The following MOB3B variants were observed in gnomAD, a reference collection of about 807,000 sequenced individuals.
MOB3B encodes MOB kinase activator-like 2B.
In MOB3B, 7 loss-of-function variants were observed where a neutral mutation model predicts 18.7. The ratio of observed to expected loss-of-function variants is 0.37; its 90% CI spans 0.21 to 0.70. MOB3B has a LOEUF of 0.70. Among genes scored for constraint, MOB3B ranks in the 30% least tolerant of loss-of-function variants. The pLI, the probability that MOB3B is intolerant of heterozygous loss-of-function variation, is 0.52. For synonymous variants in MOB3B, 111 were observed against 99.9 expected (o/e 1.11, Z -0.66); for missense variants, 253 against 281.3 (o/e 0.90, Z 0.72).
intron 2 of MOB3B, among the ~76,000 whole-genome samples, chr9:27,442,481 C>T (rs770868323): frequency 1.3e-5 from 2 of 152,206 alleles, no homozygotes; most frequent in Admixed American, 6.5e-5. Context: ...CTCAGCAAAA[C>T]GTGTTTCCCA....
At chr9:27,411,511 G>T (rs1822066404) in intron 2 of MOB3B, among the ~76,000 whole-genome samples, 1 of 152,162 alleles carries the variant, frequency 6.6e-6, no homozygotes, top group Admixed American at 6.5e-5. Flanking sequence ...CCTATTTCTA[G>T]ACCTTTAAAT....
intron 2 of MOB3B, among the ~76,000 whole-genome samples, chr9:27,367,897 C>G (rs947032293): frequency 6.6e-6 from 1 of 152,126 alleles, no homozygotes; most frequent in Admixed American, 6.5e-5. Flanking sequence ...CCTTTGGGAC[C>G]CCTGATGGCA....
At chr9:27,509,204 ACATT>A (rs1188146899) in intron 1 of MOB3B, among the ~76,000 whole-genome samples, 1 of 152,204 alleles carries the variant, frequency 6.6e-6, no homozygotes, top group Non-Finnish European at 1.5e-5. Context: ...ATATACACAT[ACATT>A]AAGAGATACT....
At chr9:27,373,948 A>G (rs1821456483) in intron 2 of MOB3B, among the ~76,000 whole-genome samples, 1 of 152,240 alleles carries the variant, frequency 6.6e-6, no homozygotes, top group Admixed American at 6.5e-5. Flanking sequence ...CTCTTGCAGC[A>G]AGTAGCCTAG....
chr9:27,420,768 T>C (rs1822237668), intron 2 of MOB3B, among the ~76,000 whole-genome samples: 1 of 149,966 alleles, frequency 6.7e-6, no homozygotes, highest in South Asian at 2.1e-4. Context: ...ATAAGAATGA[T>C]ACAACGGACT....
intron 2 of MOB3B, among the ~76,000 whole-genome samples, chr9:27,394,766 T>G (rs1225375039): frequency 7.9e-6 from 1 of 125,796 alleles, no homozygotes; most frequent in Non-Finnish European, 1.8e-5. Context: ...CTTAACTGAC[T>G]TTTTTTTTTC....
chr9:27,474,742 T>C (rs1819526792), intron 1 of MOB3B, among the ~76,000 whole-genome samples: 1 of 152,212 alleles, frequency 6.6e-6, no homozygotes, highest in Non-Finnish European at 1.5e-5. Context: ...GCAAATAGTC[T>C]CATCAAAACA....
chr9:27,388,604 C>A (rs1424967998), intron 2 of MOB3B, among the ~76,000 whole-genome samples: 1 of 152,076 alleles, frequency 6.6e-6, no homozygotes, highest in Non-Finnish European at 1.5e-5. Context: ...GTCTTTTATA[C>A]CTCGCCACCC....
At chr9:27,388,363 C>T (rs1034974787) in intron 2 of MOB3B, among the ~76,000 whole-genome samples, 1 of 152,150 alleles carries the variant, frequency 6.6e-6, no homozygotes, top group African/African-American at 2.4e-5. Flanking sequence ...CCCCAAGCAC[C>T]CATACAGCTT....
intron 1 of MOB3B, among the ~76,000 whole-genome samples, chr9:27,465,492 A>G (rs748939137): frequency 1.3e-4 from 20 of 152,136 alleles, no homozygotes; most frequent in Non-Finnish European, 2.6e-4. Flanking sequence ...GCAAGCTGTC[A>G]GTGGATCTAC....
intron 2 of MOB3B, among the ~76,000 whole-genome samples, chr9:27,444,349 C>A (rs1822658695): frequency 6.7e-6 from 1 of 149,802 alleles, no homozygotes; most frequent in Admixed American, 6.7e-5. Flanking sequence ...TAAAATACCC[C>A]ACATCAACCT....
At chr9:27,350,925 G>A (rs1351928642) in intron 3 of MOB3B, among the ~76,000 whole-genome samples, 3 of 142,146 alleles carry the variant, frequency 2.1e-5, no homozygotes, top group African/African-American at 7.9e-5. Flanking sequence ...TTTTTAAGAC[G>A]AAGTCTCGCT....
intron 2 of MOB3B, among the ~76,000 whole-genome samples, chr9:27,406,467 C>T (rs969933265): frequency 6.6e-6 from 1 of 152,220 alleles, no homozygotes; most frequent in African/African-American, 2.4e-5. Flanking sequence ...AGAGGCATCA[C>T]ATTACACTGA....
rs1820770473 is a variant in MOB3B at position 27,330,499 on chromosome 9, T to C, written c.*88A>G. On this transcript the variant is annotated 3_prime_UTR_variant, in exon 4 of 4. Coordinates refer to ENST00000262244, the MANE Select transcript of MOB3B (RefSeq NM_024761.5). ...TCTGCTGTTCCTGGGAGTAGGTGTG[T>C]CATTTCAGCCAGGGTGGTCCACCTC... 21 of 1,577,580 alleles carry C rather than the reference T, an allele frequency of 1.3e-5. No homozygotes were observed. The highest frequency in any genetic ancestry group is 1.7e-5 in the Non-Finnish European group (20 of 1,156,638).
chr9:27,501,134 T>C (rs951709827), intron 1 of MOB3B, among the ~76,000 whole-genome samples: 25 of 152,228 alleles, frequency 1.6e-4, no homozygotes, highest in Admixed American at 1.4e-3. Flanking sequence ...GAAATAGGAA[T>C]GCTATTACAC....
intron 2 of MOB3B, chr9:27,421,037 A>C (rs1822241917): frequency 6.6e-6 from 1 of 152,218 alleles, no homozygotes; most frequent in African/African-American, 2.4e-5. Flanking sequence ...TTTACCATCC[A>C]TGAGGGGTAA....
chr9:27,426,207 T>C (rs1446866333), intron 2 of MOB3B, among the ~76,000 whole-genome samples: 1 of 152,194 alleles, frequency 6.6e-6, no homozygotes, highest in Non-Finnish European at 1.5e-5. Flanking sequence ...CCTGTGTTGA[T>C]ACCAGAGCCC....
intron 1 of MOB3B, among the ~76,000 whole-genome samples, chr9:27,469,968 C>T (rs890260000): frequency 1.3e-5 from 2 of 151,822 alleles, no homozygotes; most frequent in South Asian, 2.1e-4. Flanking sequence ...TAGCCTGGCA[C>T]GGTGGCACAC....
At chr9:27,500,700 T>G (rs930422095) in intron 1 of MOB3B, among the ~76,000 whole-genome samples, 1 of 152,182 alleles carries the variant, frequency 6.6e-6, no homozygotes, top group African/African-American at 2.4e-5. Context: ...AAGGACTTCA[T>G]GACTAAAACA....
Sources: allele counts gnomAD v4.1 joint callset (sites outside exome capture counted in the v4.1 genomes callset), GRCh38; gene constraint gnomAD v4.1.1; transcripts MANE v1.5; gene names NCBI Gene and HGNC (gene_info 2026-07-23, HGNC 2026-07-21).